The following PEAK1 variants were observed in gnomAD, a reference collection of about 807,000 sequenced individuals.
PEAK1 encodes the protein pseudopodium enriched atypical kinase 1, also known as inactive tyrosine-protein kinase PEAK1.
Under a neutral mutation model 124.7 loss-of-function variants are expected in PEAK1, and 54 were observed. The ratio of observed to expected loss-of-function variants is 0.43; its 90% CI spans 0.35 to 0.54. The LOEUF is 0.54. PEAK1 is among the 20% of genes least tolerant of loss of function. PEAK1 has a pLI of 0.01. For missense variants in PEAK1, 2,046 were observed against 2,134.5 expected, an observed-to-expected ratio of 0.96 and a Z score of 0.82; for synonymous variants, 719 against 760.0, an observed-to-expected ratio of 0.95 and a Z score of 0.89.
rs1343871705 is a variant in PEAK1, at chr15:77,181,518, C to G, written c.409G>C (p.Asp137His). The G allele has an allele frequency of 3.7e-6, 6 of 1,614,080 alleles. No individual in the cohort carries two copies. The highest frequency in any genetic ancestry group is 5.1e-6 in the Non-Finnish European group (6 of 1,179,990). ...TTATCTGACATCTTCTTTGCACTAT[C>G]ATTATTGCCATAAGGCTTAGGAACA... ...SHVPKPYGNN[D>H]SAKKMSDNNN... The change falls in exon 7 of 10, where the codon GAT becomes CAT. Residue 137 changes from aspartate (D) to histidine (H), a missense_variant. Asp to His is a moderately conservative substitution (Grantham distance 81, BLOSUM62 -1). Transcript: ENST00000682557.
At chr15:77,168,234 C>T (rs867832154) in intron 7 of PEAK1, among the ~76,000 whole-genome samples, 14 of 99,566 alleles carry the variant, frequency 1.4e-4, no homozygotes, top group Non-Finnish European at 2.4e-4. Flanking sequence ...TGCATGTGCG[C>T]GCGCACACAC....
At chr15:77,334,651 T>C (rs1248782996) in intron 2 of PEAK1, 1 of 985,218 alleles carries the variant, frequency 1.0e-6, no homozygotes, top group Non-Finnish European at 1.2e-6. Flanking sequence ...TTTTTATTTG[T>C]ATTACTTTTG....
chr15:77,180,828 C>G lies in PEAK1; in HGVS notation c.1099G>C (p.Gly367Arg), dbSNP rs2057217485. ...CCTGGGTTACCAGGAGATAATCCCC[C>G]ATTACAAATCTTCTGGGATAAACTA... ...ASSLSQKICN[G>R]GLSPGNPGDS... The change falls in exon 7 of 10, where the codon GGG (glycine) becomes CGG (arginine). Residue 367 changes from glycine (G) to arginine (R), a missense_variant. Coordinates refer to ENST00000682557, the MANE Select transcript of PEAK1 (RefSeq NM_001385026.1). 1 of 1,613,774 alleles carries G rather than the reference C, an allele frequency of 6.2e-7. No individual in the cohort carries two copies. The highest frequency in any genetic ancestry group is 8.5e-7 in the Non-Finnish European group (1 of 1,179,912).
intron 1 of PEAK1, among the ~76,000 whole-genome samples, chr15:77,385,376 G>C (rs943459915): frequency 1.3e-5 from 2 of 152,116 alleles, no homozygotes; most frequent in Non-Finnish European, 2.9e-5. Flanking sequence ...TCACTCTAAA[G>C]CCATTCTAAA....
chr15:77,318,190 T>C (rs2064992287), intron 2 of PEAK1, among the ~76,000 whole-genome samples: 1 of 150,122 alleles, frequency 6.7e-6, no homozygotes. Flanking sequence ...CACACACAAA[T>C]GTATATAAAC....
intron 7 of PEAK1, among the ~76,000 whole-genome samples, chr15:77,170,724 G>C (rs1180321165): frequency 2.0e-5 from 3 of 152,144 alleles, no homozygotes; most frequent in Non-Finnish European, 4.4e-5. Flanking sequence ...CGTAAGGTAG[G>C]TATTATTATT....
At chr15:77,385,069 C>T (rs904748566) in intron 1 of PEAK1, among the ~76,000 whole-genome samples, 2 of 152,156 alleles carry the variant, frequency 1.3e-5, no homozygotes, top group Admixed American at 6.5e-5. Context: ...GTATAAGATA[C>T]TTTCCTGAAA....
intron 2 of PEAK1, among the ~76,000 whole-genome samples, chr15:77,299,811 T>C (rs2063696530): frequency 1.3e-5 from 2 of 152,240 alleles, no homozygotes; most frequent in African/African-American, 2.4e-5. Flanking sequence ...ATTACAATAA[T>C]TGGCAAATGG....
chr15:77,359,390 T>C (rs1321513383), intron 2 of PEAK1, among the ~76,000 whole-genome samples: 1 of 151,256 alleles, frequency 6.6e-6, no homozygotes, highest in Non-Finnish European at 1.5e-5. Flanking sequence ...CAGTGAGCCA[T>C]GTTCACACCA....
chr15:77,251,917 G>A (rs1378069536), intron 6 of PEAK1, among the ~76,000 whole-genome samples: 1 of 152,222 alleles, frequency 6.6e-6, no homozygotes, highest in Non-Finnish European at 1.5e-5. Context: ...AGCTGCTACT[G>A]TCTGCCTACA....
chr15:77,105,708 T>A (rs1451666292), downstream of PEAK1: 1 of 152,326 alleles, frequency 6.6e-6, no homozygotes, highest in Non-Finnish European at 1.5e-5. Context: ...GAGCAGAAGG[T>A]ACACACTTAC....
chr15:77,413,927 G>A (rs2072620366), intron 1 of PEAK1, among the ~76,000 whole-genome samples: 1 of 152,082 alleles, frequency 6.6e-6, no homozygotes. Flanking sequence ...AGGCTCAAGT[G>A]ATCCTCTGAC....
chr15:77,284,401 A>G (rs2062818440), intron 4 of PEAK1, among the ~76,000 whole-genome samples: 1 of 152,242 alleles, frequency 6.6e-6, no homozygotes, highest in South Asian at 2.1e-4. Context: ...AATGAAGTCA[A>G]TCTTCTCACC....
chr15:77,380,333 A>G lies in PEAK1; in HGVS notation c.-665-15108T>C, dbSNP rs185280934. 1.9e-3 allele frequency among the ~76,000 whole-genome samples: 292 copies of G among 152,222 alleles called. 1 individual carries two copies. The highest frequency in any genetic ancestry group is 6.9e-3 in the African/African-American group (285 of 41,546). ...AATTAGAATCACCCTTTCAGCAAAAACAGCAACTCTCTGAGTACTCTGGTG... is the reference window on the plus strand; with the variant it reads ...AATTAGAATCACCCTTTCAGCAAAAGCAGCAACTCTCTGAGTACTCTGGTG... On this transcript the variant is annotated intron_variant, in intron 1 of 9. Transcript: ENST00000682557.
intron 2 of PEAK1, among the ~76,000 whole-genome samples, chr15:77,309,651 C>G (rs747308007): frequency 6.6e-6 from 1 of 152,088 alleles, no homozygotes. Flanking sequence ...TCTGTCCCCA[C>G]CCTTTATTTA....
chr15:77,336,300 T>C, intron 2 of PEAK1: 1 of 985,390 alleles, frequency 1.0e-6, no homozygotes, highest in African/African-American at 1.7e-5. Context: ...ACATGGCTGG[T>C]AGGCAGAGTT....
intron 1 of PEAK1, among the ~76,000 whole-genome samples, chr15:77,386,798 A>G (rs936627463): frequency 2.0e-5 from 3 of 152,174 alleles, no homozygotes; most frequent in African/African-American, 4.8e-5. Flanking sequence ...CGACACCACT[A>G]TGTCTAGATT....
At chr15:77,303,681 C>A (rs1407627185) in intron 2 of PEAK1, among the ~76,000 whole-genome samples, 1 of 152,128 alleles carries the variant, frequency 6.6e-6, no homozygotes, top group East Asian at 1.9e-4. Context: ...ATTTTCTCCC[C>A]ATTTATAGCT....
chr15:77,321,802 A>G (rs1282233839), intron 2 of PEAK1, among the ~76,000 whole-genome samples: 1 of 152,212 alleles, frequency 6.6e-6, no homozygotes, highest in African/African-American at 2.4e-5. Context: ...CTAACATTTA[A>G]GTCTTTAATC....
Sources: gnomAD v4.1 joint callset for allele counts (sites outside exome capture counted in the v4.1 genomes callset) on GRCh38, gnomAD v4.1.1 for gene constraint, MANE v1.5 for transcripts, NCBI Gene and HGNC (gene_info 2026-07-23, HGNC 2026-07-21) for gene names.